The following RBFOX1 variants were observed in gnomAD, a reference collection of about 807,000 sequenced individuals.
The protein encoded by RBFOX1 is RNA binding protein fox-1 homolog 1.
In RBFOX1, 8 loss-of-function variants were observed where a neutral mutation model predicts 57.7. The ratio of observed to expected loss-of-function variants is 0.14; its 90% confidence interval spans 0.08 to 0.25. RBFOX1 has a LOEUF of 0.25. Among genes scored for constraint, RBFOX1 ranks in the 10% least tolerant of loss-of-function variants. RBFOX1 has a pLI of 1.00. For missense variants in RBFOX1, 611 were observed against 548.5 expected (o/e 1.11, Z -1.14); for synonymous variants, 326 against 222.4 (o/e 1.47, Z -4.15).
chr16:5,458,985 C>T (rs929432296), intron 1 of RBFOX1, among the ~76,000 whole-genome samples: 26 of 152,224 alleles, frequency 1.7e-4, no homozygotes, highest in African/African-American at 6.3e-4. Context: ...ATGCTTCCAT[C>T]TCTGTACCAC....
chr16:6,337,287 C>G lies in RBFOX1; in HGVS notation c.-64+20230C>G, dbSNP rs777462358. 1.0e-3 allele frequency among the ~76,000 whole-genome samples: 158 copies of G among 152,272 alleles called. 3 individuals are homozygous for G. The highest frequency in any genetic ancestry group is 6.8e-3 in the Middle Eastern group (2 of 294). On this transcript the variant is annotated intron_variant, in intron 2 of 15. Coordinates refer to ENST00000550418, the MANE Select transcript of RBFOX1 (RefSeq NM_018723.4). ...TAATGGTGCATTTAAAGTCGACATG[C>G]TGATGCCAAGTCTTTCTGTATTGTG...
At chr16:6,434,760 A>T (rs1044637773) in intron 2 of RBFOX1, among the ~76,000 whole-genome samples, 1 of 152,220 alleles carries the variant, frequency 6.6e-6, no homozygotes, top group Non-Finnish European at 1.5e-5. Flanking sequence ...TAATCTGTTT[A>T]TAAGTATTTT....
In RBFOX1 at chr16:5,715,261, C is replaced by T. The variant is rs138240139; in HGVS notation, c.318+116300C>T. 3.8e-3 allele frequency among the ~76,000 whole-genome samples: 573 copies of T among 152,280 alleles called. 4 individuals are homozygous for T. The highest frequency in any genetic ancestry group is 0.013 in the African/African-American group (536 of 41,560). ...CTTATTTCGAAATCTAATTCAATTA[C>T]AGAGAAGCTCTACCTTGTGGATGAT... is the stretch of plus-strand genomic sequence containing the variant. On this transcript the variant is annotated intron_variant, in intron 3 of 19. Coordinates refer to the RBFOX1 transcript ENST00000641259.
chr16:5,479,224 T>C (rs1281332911), intron 2 of RBFOX1, among the ~76,000 whole-genome samples: 1 of 152,138 alleles, frequency 6.6e-6, no homozygotes, highest in Non-Finnish European at 1.5e-5. Context: ...TGTCAAATCT[T>C]GGTGCTGTCA....
At chr16:5,594,020 AGGCTTTGGTCAG>A in intron 2 of RBFOX1, among the ~76,000 whole-genome samples, 1 of 151,476 alleles carries the variant, frequency 6.6e-6, no homozygotes. Context: ...ATTGTTCATG[AGGCTTTGGTCAG>A]CCATGGCCTT....
At chr16:6,212,048 G>C (rs79963783) in intron 1 of RBFOX1, among the ~76,000 whole-genome samples, 15,572 of 151,806 alleles carry the variant, frequency 0.1, 1,006 homozygotes, top group South Asian at 0.26. Flanking sequence ...AGTAGAGATG[G>C]AGTTTTGCCA....
rs8061167 is a variant in RBFOX1, at chr16:6,718,476, G to T, written c.-16+63826G>T. Among the ~76,000 whole-genome samples the T allele has an allele frequency of 5.0e-4, 76 of 151,452 alleles. 1 individual carries two copies. The highest frequency in any genetic ancestry group is 1.8e-3 in the African/African-American group (75 of 40,788). On this transcript the variant is annotated intron_variant, in intron 3 of 15. Coordinates refer to ENST00000550418, the MANE Select transcript of RBFOX1 (RefSeq NM_018723.4). ...ATTGATGATGGTGATAGGTGTTCACGGTTGGACAGAGTCTTGAGAACAATT... is the reference window on the plus strand; with the variant it reads ...ATTGATGATGGTGATAGGTGTTCACTGTTGGACAGAGTCTTGAGAACAATT...
chr16:5,973,110 C>G (rs1156521478), intron 4 of RBFOX1, among the ~76,000 whole-genome samples: 2 of 152,064 alleles, frequency 1.3e-5, no homozygotes, highest in Non-Finnish European at 2.9e-5. Flanking sequence ...AGAGACAGAG[C>G]TAAAAATAAT....
intron 1 of RBFOX1, among the ~76,000 whole-genome samples, chr16:5,317,320 C>T (rs143169888): frequency 6.6e-6 from 1 of 152,292 alleles, no homozygotes; most frequent in East Asian, 1.9e-4. Context: ...AATAAAAACA[C>T]ATTCCTGGCC....
chr16:5,580,708 G>A (rs537792327), intron 2 of RBFOX1, among the ~76,000 whole-genome samples: 5 of 152,248 alleles, frequency 3.3e-5, no homozygotes, highest in African/African-American at 4.8e-5. Context: ...ACTGCCCTGC[G>A]TCTGCACATA....
intron 3 of RBFOX1, chr16:6,774,136 G>C (rs902482475): frequency 4.6e-6 from 2 of 430,656 alleles, no homozygotes; most frequent in Non-Finnish European, 6.2e-6. Flanking sequence ...TCGGAACAAA[G>C]ACCGGCACTC....
intron 2 of RBFOX1, among the ~76,000 whole-genome samples, chr16:6,514,254 C>G (rs1042988824): frequency 2.0e-5 from 3 of 152,154 alleles, no homozygotes; most frequent in African/African-American, 4.8e-5. Context: ...GTAGCACACA[C>G]ACGTACACGG....
chr16:6,771,794 C>G (rs2078340235), intron 3 of RBFOX1, among the ~76,000 whole-genome samples: 1 of 152,108 alleles, frequency 6.6e-6, no homozygotes, highest in Non-Finnish European at 1.5e-5. Context: ...AATAAGTTAC[C>G]CAGCCTAAAG....
chr16:6,544,583 A>G (rs1434880949), intron 2 of RBFOX1, among the ~76,000 whole-genome samples: 1 of 152,186 alleles, frequency 6.6e-6, no homozygotes, highest in Admixed American at 6.5e-5. Flanking sequence ...GATCGTATTG[A>G]TTCAAATGCT....
rs117317871 is a variant in RBFOX1, at chr16:6,870,801, A to G, written c.-15-181256A>G. ...CTGTTTCACTACTAGCAACTAATTTATGAGGCAATTTCAGATTCTTATGAC... is the reference window on the plus strand; with the variant it reads ...CTGTTTCACTACTAGCAACTAATTTGTGAGGCAATTTCAGATTCTTATGAC... On this transcript the variant is annotated intron_variant, in intron 3 of 15. Coordinates refer to ENST00000550418, the MANE Select transcript of RBFOX1 (RefSeq NM_018723.4). 8.6e-3 allele frequency among the ~76,000 whole-genome samples: 1,313 copies of G among 152,240 alleles called. 4 individuals are homozygous for G. The highest frequency in any genetic ancestry group is 0.013 in the Non-Finnish European group (914 of 67,954).
intron 3 of RBFOX1, among the ~76,000 whole-genome samples, chr16:5,806,923 C>G (rs1356990415): frequency 6.6e-6 from 1 of 152,148 alleles, no homozygotes; most frequent in Non-Finnish European, 1.5e-5. Flanking sequence ...AGCAGCCAGC[C>G]TTTCCCCACT....
Position 7,482,815 on chromosome 16 carries a change from C to T in RBFOX1, c.28-35332C>T, listed in dbSNP as rs566214368. Among the ~76,000 whole-genome samples the T allele has an allele frequency of 7.9e-5, 12 of 152,166 alleles. No homozygotes were observed. In the South Asian group the frequency reaches 1.7e-3, roughly 21 times the overall value. On this transcript the variant is annotated intron_variant, in intron 4 of 15. Transcript: ENST00000550418. ...ATGTAAATGAGTCCTCCCACAAGCT[C>T]GGGATGTTCTGTCCCCAAATCCTGA...
intron 4 of RBFOX1, among the ~76,000 whole-genome samples, chr16:7,320,095 C>A (rs2096518692): frequency 6.6e-6 from 1 of 152,090 alleles, no homozygotes; most frequent in African/African-American, 2.4e-5. Flanking sequence ...TTGTAAGTTG[C>A]AGGATACATG....
At chr16:7,639,376 A>G (rs1190245813) in intron 11 of RBFOX1, among the ~76,000 whole-genome samples, 1 of 152,204 alleles carries the variant, frequency 6.6e-6, no homozygotes, top group Non-Finnish European at 1.5e-5. Flanking sequence ...TTACGGTGGC[A>G]GCCTACCTGT....
Sources: allele counts gnomAD v4.1 joint callset (sites outside exome capture counted in the v4.1 genomes callset), GRCh38; gene constraint gnomAD v4.1.1; transcripts MANE v1.5; gene names NCBI Gene and HGNC (gene_info 2026-07-23, HGNC 2026-07-21).